Variants in CNTN1 observed in about 807,000 individuals in gnomAD.
CNTN1 encodes the protein contactin-1.
A neutral mutation model predicts 126.4 loss-of-function variants in CNTN1; 38 were observed. The observed-to-expected ratio is 0.30, with a 90% CI of 0.23 to 0.39. The LOEUF (loss-of-function observed/expected upper bound fraction) is 0.39. Ranked by LOEUF, CNTN1 falls within the 10% of genes least tolerant of loss-of-function variation. The pLI is 1.00. For synonymous variants in CNTN1, 413 were observed against 422.6 expected (o/e 0.98, Z 0.28); for missense variants, 1,009 against 1,248.4 (o/e 0.81, Z 2.89).
chr12:40,763,412 T>C (rs1330168574), intron 1 of CNTN1, among the ~76,000 whole-genome samples: 1 of 152,194 alleles, frequency 6.6e-6, no homozygotes, highest in African/African-American at 2.4e-5. Context: ...TTAAGTAATA[T>C]ATTTATTAAG....
chr12:40,784,204 A>T (rs1939914626), intron 1 of CNTN1, among the ~76,000 whole-genome samples: 1 of 152,134 alleles, frequency 6.6e-6, no homozygotes, highest in Non-Finnish European at 1.5e-5. Flanking sequence ...TTGTCTGGAG[A>T]TGAGTCTTCA....
chr12:40,852,446 G>A (rs147772528), intron 1 of CNTN1, among the ~76,000 whole-genome samples: 136 of 152,102 alleles, frequency 8.9e-4, no homozygotes, highest in African/African-American at 3.1e-3. Flanking sequence ...CTGTGGCTTG[G>A]CTTTCAAGCT....
At chr12:40,951,067 C>T (rs976083655) in intron 14 of CNTN1, among the ~76,000 whole-genome samples, 3 of 151,938 alleles carry the variant, frequency 2.0e-5, no homozygotes, top group Non-Finnish European at 4.4e-5. Flanking sequence ...ACTTGAAAAC[C>T]ATATAAATTA....
At chr12:40,774,019 T>C (rs1024550367) in intron 1 of CNTN1, among the ~76,000 whole-genome samples, 8 of 151,444 alleles carry the variant, frequency 5.3e-5, no homozygotes, top group African/African-American at 1.9e-4. Context: ...CTTGTTCTCA[T>C]TGGTTGTCAC....
At chr12:40,874,088 T>C (rs751810552) in intron 1 of CNTN1, among the ~76,000 whole-genome samples, 5 of 152,116 alleles carry the variant, frequency 3.3e-5, no homozygotes, top group Non-Finnish European at 7.4e-5. Flanking sequence ...ACTCAGGAGT[T>C]TGGGTTCAAA....
At chr12:40,839,371 A>T (rs1942192690) in intron 1 of CNTN1, among the ~76,000 whole-genome samples, 2 of 152,222 alleles carry the variant, frequency 1.3e-5, no homozygotes, top group South Asian at 4.1e-4. Flanking sequence ...TAACGAAATG[A>T]TAGATGAAAA....
intron 23 of CNTN1, among the ~76,000 whole-genome samples, chr12:41,055,479 T>A (rs1370871578): frequency 2.6e-5 from 4 of 152,118 alleles, no homozygotes; most frequent in Non-Finnish European, 4.4e-5. Flanking sequence ...TTTGCTCCCC[T>A]CATATCTTTG....
intron 15 of CNTN1, among the ~76,000 whole-genome samples, chr12:40,963,410 G>T (rs189531373): frequency 1.1e-4 from 17 of 151,952 alleles, no homozygotes; most frequent in Non-Finnish European, 1.8e-4. Context: ...TAATATTGTT[G>T]GTGAAAGGAG....
chr12:40,848,428 G>T (rs1419747674), intron 1 of CNTN1, among the ~76,000 whole-genome samples: 1 of 152,036 alleles, frequency 6.6e-6, no homozygotes, highest in African/African-American at 2.4e-5. Context: ...TATTGACTAT[G>T]TAAGCTGTCA....
chr12:40,715,428 A>ATT (rs141304689), intron 1 of CNTN1, among the ~76,000 whole-genome samples: 1 of 151,888 alleles, frequency 6.6e-6, no homozygotes, highest in African/African-American at 2.4e-5. Context: ...CATTAGCAGG[A>ATT]TTTTTTTTGC....
At chr12:40,717,287 A>C (rs1942074754) in intron 1 of CNTN1, among the ~76,000 whole-genome samples, 1 of 152,210 alleles carries the variant, frequency 6.6e-6, no homozygotes, top group South Asian at 2.1e-4. Context: ...GTTTTACCTA[A>C]ATGTATATAT....
chr12:41,001,930 C>A (rs532992965), intron 17 of CNTN1, among the ~76,000 whole-genome samples: 5 of 152,116 alleles, frequency 3.3e-5, no homozygotes, highest in Admixed American at 3.3e-4. Flanking sequence ...AATCAGATAG[C>A]TGTAAGTGTG....
At chr12:40,976,094 C>T (rs1208225192) in intron 15 of CNTN1, among the ~76,000 whole-genome samples, 1 of 152,150 alleles carries the variant, frequency 6.6e-6, no homozygotes, top group African/African-American at 2.4e-5. Flanking sequence ...ATTCCCTCCT[C>T]CATATTGTTC....
intron 16 of CNTN1, among the ~76,000 whole-genome samples, chr12:40,985,954 T>C (rs1249631649): frequency 6.6e-6 from 1 of 152,128 alleles, no homozygotes; most frequent in Non-Finnish European, 1.5e-5. Flanking sequence ...CTTGCTTACA[T>C]AGATAATTTA....
intron 1 of CNTN1, among the ~76,000 whole-genome samples, chr12:40,780,337 GA>G (rs1240860188): frequency 6.6e-6 from 1 of 151,814 alleles, no homozygotes; most frequent in African/African-American, 2.4e-5. Context: ...GGAATTATCT[GA>G]ATGATTAGGT....
At chr12:40,803,077 G>A (rs1376001897) in intron 1 of CNTN1, among the ~76,000 whole-genome samples, 1 of 151,938 alleles carries the variant, frequency 6.6e-6, no homozygotes, top group Non-Finnish European at 1.5e-5. Context: ...GCTGACCTGG[G>A]TGCAATGGTT....
At chr12:40,703,487 C>T (rs1181405014) in intron 1 of CNTN1, among the ~76,000 whole-genome samples, 2 of 152,168 alleles carry the variant, frequency 1.3e-5, no homozygotes, top group African/African-American at 2.4e-5. Context: ...GTTCCTCTTA[C>T]TTTGTGTGCC....
At chr12:41,040,576 C>T (rs12828389) in intron 23 of CNTN1, among the ~76,000 whole-genome samples, 5,139 of 152,118 alleles carry the variant, frequency 0.034, 116 homozygotes, top group Middle Eastern at 0.11. Context: ...TCTTTGTATC[C>T]TCTTTTATTT....
intron 6 of CNTN1, 46 bp downstream of exon 6, chr12:40,924,698 G>C: frequency 9.7e-7 from 1 of 1,026,396 alleles, no homozygotes; most frequent in Non-Finnish European, 1.5e-6. Flanking sequence ...GAAACAAAAT[G>C]GACAAGTTTC....
Sources: gnomAD v4.1 joint callset for allele counts (sites outside exome capture counted in the v4.1 genomes callset) on GRCh38, gnomAD v4.1.1 for gene constraint, MANE v1.5 for transcripts, NCBI Gene and HGNC (gene_info 2026-07-23, HGNC 2026-07-21) for gene names.